TUBA4A: variants seen among roughly 807,000 people sequenced by gnomAD.
TUBA4A encodes tubulin alpha 4a.
Under a neutral mutation model 34.3 loss-of-function variants are expected in TUBA4A, and 23 were observed. The ratio of observed to expected loss-of-function variants is 0.67; its 90% confidence interval spans 0.48 to 0.95. The LOEUF (loss-of-function observed/expected upper bound fraction) is 0.95. Among genes scored for constraint, TUBA4A ranks in the 40% least tolerant of loss-of-function variants. The probability of loss-of-function intolerance (pLI) is 0.00; values close to 1 mark genes in which losing one functional copy is unlikely to be tolerated. For missense variants in TUBA4A, 279 were observed against 599.0 expected (o/e 0.47, Z 5.58); for synonymous variants, 216 against 230.5 (o/e 0.94, Z 0.57).
Position 219,251,450 on chromosome 2 carries a change from C to T in TUBA4A, c.375+115G>A. ...AAATACTGAGGATGCCATAGCAGCACCACACTCGAGACCATGTATAGTTAG... is the reference window on the plus strand; with the variant it reads ...AAATACTGAGGATGCCATAGCAGCATCACACTCGAGACCATGTATAGTTAG... On this transcript the variant is annotated intron_variant, in intron 3 of 3. Coordinates refer to ENST00000248437, the MANE Select transcript of TUBA4A (RefSeq NM_006000.3). The surrounding 1 kb of genome is among the most constrained non-coding windows in gnomAD (Gnocchi z 6.1). 3.3e-6 allele frequency: 5 copies of T among 1,536,456 alleles called. No homozygotes were observed. Among genetic ancestry groups the T allele is most frequent in the Non-Finnish European group, 4.4e-6 (5 of 1,136,092 alleles).
chr2:219,250,060 A>C lies in TUBA4A; in HGVS notation c.*292T>G, dbSNP rs1411228949. Reference sequence around the variant, plus strand: ...AGGAGCTGAAGACTCATCCTTCAACAGTTTGTGCCTGGATTTTGGTCCTCA... The same window carrying C: ...AGGAGCTGAAGACTCATCCTTCAACCGTTTGTGCCTGGATTTTGGTCCTCA... On this transcript the variant is annotated 3_prime_UTR_variant, in exon 4 of 4. Coordinates refer to ENST00000248437, the MANE Select transcript of TUBA4A (RefSeq NM_006000.3). The surrounding 1 kb of genome is among the most constrained non-coding windows in gnomAD (Gnocchi z 8.4). 3 of 379,730 alleles carry C rather than the reference A, an allele frequency of 7.9e-6. No homozygotes were observed. The highest frequency in any genetic ancestry group is 1.4e-5 in the Non-Finnish European group (3 of 208,236). The allele number at this position is 379,730 out of a possible 1,614,324, so 23.5% of individuals were successfully genotyped here.
chr2:219,251,891 C>G lies in TUBA4A; in HGVS notation c.226+117G>C. The G allele has an allele frequency of 7.3e-7, 1 of 1,366,480 alleles. No individual in the cohort carries two copies. The highest frequency in any genetic ancestry group is 1.0e-6 in the Non-Finnish European group (1 of 992,216). 84.6% of individuals were successfully genotyped at this position (1,366,480 alleles called of 1,614,324 possible). On this transcript the variant is annotated intron_variant, in intron 2 of 3. Transcript: ENST00000248437. The surrounding 1 kb of genome is among the most constrained non-coding windows in gnomAD (Gnocchi z 6.1). ...CAGATCAGCTTGCCTTCTGCAGCTT[C>G]AAGTACGGCTAGGAATTTTCAGGGC...
In TUBA4A at chr2:219,250,288, A is replaced by G; in HGVS notation, c.*64T>C. 1 of 1,544,436 alleles carries G rather than the reference A, an allele frequency of 6.5e-7. No individual in the cohort carries two copies. Among genetic ancestry groups the G allele is most frequent in the Admixed American group, 2.0e-5 (1 of 50,092 alleles). ...CTCAGAGGGAACAAGAAACCGTGCAAGGAAACTGTTTATTTCGAAAGGATT... is the reference window on the plus strand; with the variant it reads ...CTCAGAGGGAACAAGAAACCGTGCAGGGAAACTGTTTATTTCGAAAGGATT... On this transcript the variant is annotated 3_prime_UTR_variant, in exon 4 of 4. Coordinates refer to ENST00000248437, the MANE Select transcript of TUBA4A (RefSeq NM_006000.3). This position sits in a 1 kb window ranked among gnomAD's most constrained non-coding sequence, Gnocchi z 8.4.
rs773161555 is a variant in TUBA4A at position 219,250,485 on chromosome 2, A to C, written c.1214T>G (p.Val405Gly). 7.4e-6 allele frequency: 12 copies of C among 1,614,160 alleles called. No homozygotes were observed. Among genetic ancestry groups the C allele is most frequent in the Non-Finnish European group, 8.5e-6 (10 of 1,180,012 alleles). Residue 405 changes from valine to glycine, a missense_variant, in exon 4 of 4, where the codon GTG becomes GGG. Coordinates refer to ENST00000248437, the MANE Select transcript of TUBA4A (RefSeq NM_006000.3). This position sits in a 1 kb window ranked among gnomAD's most constrained non-coding sequence, Gnocchi z 8.4. ...CATGCCCTCACCCACATACCAGTGC[A>C]CAAACGCCCTCTTGGCATACATCAG... ...FDLMYAKRAF[V>G]HWYVGEGMEE...
chr2:219,250,868 A>G lies in TUBA4A; in HGVS notation c.831T>C (p.Ser277=). The G allele has an allele frequency of 6.2e-7, 1 of 1,614,150 alleles. No homozygotes were observed. Among genetic ancestry groups the G allele is most frequent in the South Asian group, 1.1e-5 (1 of 91,082 alleles). Residue 277 remains serine, a synonymous_variant, in exon 4 of 4, where the codon TCT becomes TCC. Transcript: ENST00000248437. The surrounding 1 kb of genome is among the most constrained non-coding windows in gnomAD (Gnocchi z 8.4). The part of the protein sequence containing the change: ...FPLATYAPVI[S]AEKAYHEQLS... ...GCTGCTCGTGGTATGCCTTTTCTGCAGAGATGACTGGTGCATAGGTGGCCA... is the reference window on the plus strand; with the variant it reads ...GCTGCTCGTGGTATGCCTTTTCTGCGGAGATGACTGGTGCATAGGTGGCCA...
chr2:219,253,355 G>GGA, intron 1 of TUBA4A: 42 of 665,446 alleles, frequency 6.3e-5, no homozygotes, highest in Non-Finnish European at 8.1e-5. Context: ...GCTGAGTCAC[G>GGA]GGGGGGGGGT....
chr2:219,250,115 C>A lies in TUBA4A; in HGVS notation c.*237G>T. 1 of 607,700 alleles carries A rather than the reference C, an allele frequency of 1.6e-6. No individual in the cohort carries two copies. The highest frequency in any genetic ancestry group is 2.9e-5 in the East Asian group (1 of 35,030). 37.6% of individuals were successfully genotyped at this position (607,700 alleles called of 1,614,324 possible). A position where few individuals can be genotyped will look rare whatever the true frequency, so the allele number is the denominator to read the frequency against. ...CTCCCTATACTGAGTAACCCTAGGA[C>A]TTCAATTTAAAGTCCCTGGGGTTAT... On this transcript the variant is annotated 3_prime_UTR_variant, in exon 4 of 4. Coordinates refer to ENST00000248437, the MANE Select transcript of TUBA4A (RefSeq NM_006000.3). This position sits in a 1 kb window ranked among gnomAD's most constrained non-coding sequence, Gnocchi z 8.4.
Position 219,252,109 on chromosome 2 carries a change from A to G in TUBA4A, c.125T>C (p.Ile42Thr), listed in dbSNP as rs201865832. 6.3e-5 allele frequency: 101 copies of G among 1,614,100 alleles called. No homozygotes were observed. The East Asian group carries it at 1.6e-3, about 26-fold the overall frequency. The part of the protein sequence containing the change: ...PDGQMPSDKT[I>T]GGGDDSFTTF... ...GGTGAAGGAGTCGTCCCCTCCACCA[A>G]TGGTCTTGTCACTGGGCATCTGCCC... Residue 42 changes from isoleucine to threonine, a missense_variant, in exon 2 of 4, where the codon ATT (isoleucine) becomes ACT (threonine). Ile to Thr is a moderately conservative substitution (Grantham distance 89, BLOSUM62 -1). Around this residue, in one of 3 missense-constraint regions of TUBA4A, gnomAD observed 98 missense variants for 171.1 expected, o/e 0.57. Coordinates refer to ENST00000248437, the MANE Select transcript of TUBA4A (RefSeq NM_006000.3). The surrounding 1 kb of genome is among the most constrained non-coding windows in gnomAD (Gnocchi z 4.1).
chr2:219,252,863 T>G lies in TUBA4A; in HGVS notation c.4-633A>C. 2 of 472,166 alleles carry G rather than the reference T, an allele frequency of 4.2e-6. No individual in the cohort carries two copies. Among genetic ancestry groups the G allele is most frequent in the Non-Finnish European group, 8.8e-6 (2 of 228,080 alleles). 29.2% of individuals were successfully genotyped at this position (472,166 alleles called of 1,614,324 possible). ...GACAGCAGGGGCCAGCAATAAGGTTTGAGGGTACTGGGGCGCTCACTGCCT... is the reference window on the plus strand; with the variant it reads ...GACAGCAGGGGCCAGCAATAAGGTTGGAGGGTACTGGGGCGCTCACTGCCT... On this transcript the variant is annotated intron_variant, in intron 1 of 3. Coordinates refer to ENST00000248437, the MANE Select transcript of TUBA4A (RefSeq NM_006000.3). The surrounding 1 kb of genome is among the most constrained non-coding windows in gnomAD (Gnocchi z 4.1).
Position 219,252,840 on chromosome 2 carries a change from C to A in TUBA4A, c.4-610G>T. On this transcript the variant is annotated intron_variant, in intron 1 of 3. Transcript: ENST00000248437. This position sits in a 1 kb window ranked among gnomAD's most constrained non-coding sequence, Gnocchi z 4.1. ...CGGCGGTAATGCTTGTAAGCTCAGA[C>A]AGCAGGGGCCAGCAATAAGGTTTGA... is the stretch of plus-strand genomic sequence containing the variant. The A allele has an allele frequency of 2.1e-6, 1 of 472,096 alleles. No homozygotes were observed. Among genetic ancestry groups the A allele is most frequent in the South Asian group, 1.5e-5 (1 of 64,558 alleles). The allele number at this position is 472,096 out of a possible 1,614,324, so 29.2% of individuals were successfully genotyped here. A position where few individuals can be genotyped will look rare whatever the true frequency, so the allele number is the denominator to read the frequency against.
In TUBA4A at chr2:219,251,087, C is replaced by A. The variant is rs771428804; in HGVS notation, c.612G>T (p.Val204=). ...AGATGTCATAGATTGCTTCGTTGTC[C>A]ACCATGAAGGCACAGTCTGAGTGCT... ...TLEHSDCAFM[V]DNEAIYDICR... Residue 204 remains valine, a synonymous_variant, in exon 4 of 4, where the codon GTG becomes GTT. Transcript: ENST00000248437. This position sits in a 1 kb window ranked among gnomAD's most constrained non-coding sequence, Gnocchi z 6.1. 35 of 1,614,048 alleles carry A rather than the reference C, an allele frequency of 2.2e-5. No individual in the cohort carries two copies. Among genetic ancestry groups the A allele is most frequent in the Non-Finnish European group, 2.4e-5 (28 of 1,180,044 alleles).
upstream of TUBA4A, chr2:219,254,105 G>A: frequency 2.4e-6 from 1 of 414,192 alleles, no homozygotes. Flanking sequence ...CTGTCCCGCT[G>A]GGATTAAGAG....
chr2:219,251,840 C>A lies in TUBA4A; in HGVS notation c.227-127G>T. The A allele has an allele frequency of 7.2e-7, 1 of 1,398,592 alleles. No individual in the cohort carries two copies. The highest frequency in any genetic ancestry group is 9.7e-7 in the Non-Finnish European group (1 of 1,031,306). 86.6% of individuals were successfully genotyped at this position (1,398,592 alleles called of 1,614,324 possible). ...CTGAGATACCAGAGTGTGAGAGAAACCCAGACCAGCTGCCCAGGCCAGTCT... is the reference window on the plus strand; with the variant it reads ...CTGAGATACCAGAGTGTGAGAGAAAACCAGACCAGCTGCCCAGGCCAGTCT... On this transcript the variant is annotated intron_variant, in intron 2 of 3. Coordinates refer to ENST00000248437, the MANE Select transcript of TUBA4A (RefSeq NM_006000.3). This position sits in a 1 kb window ranked among gnomAD's most constrained non-coding sequence, Gnocchi z 6.1.
At position 219,251,520 on chromosome 2, in the gene TUBA4A, T is replaced by G. The variant is rs1338665898; in HGVS notation, c.375+45A>C. ...TCTGAAAAAAAATATTCCTGACCATTAGCACAGTCTCAAAAGTTCCCTCCC... is the reference window on the plus strand; with the variant it reads ...TCTGAAAAAAAATATTCCTGACCATGAGCACAGTCTCAAAAGTTCCCTCCC... On this transcript the variant is annotated intron_variant, in intron 3 of 3. Transcript: ENST00000248437. This position sits in a 1 kb window ranked among gnomAD's most constrained non-coding sequence, Gnocchi z 6.1. The G allele has an allele frequency of 1.3e-6, 2 of 1,599,672 alleles. No homozygotes were observed. Among genetic ancestry groups the G allele is most frequent in the Admixed American group, 3.4e-5 (2 of 58,938 alleles).
rs373071036 is a variant in TUBA4A, at chr2:219,250,553, G to A, written c.1146C>T (p.Thr382=). 68 of 1,614,086 alleles carry A rather than the reference G, an allele frequency of 4.2e-5. No homozygotes were observed. The highest frequency in any genetic ancestry group is 5.3e-5 in the Non-Finnish European group (62 of 1,180,044). ...QRAVCMLSNT[T]AIAEAWARLD... ...GGCGGGCCCAGGCCTCGGCGATGGC[G>A]GTCGTGTTGCTCAGCATGCACACGG... The change falls in exon 4 of 4, where the codon ACC becomes ACT. Residue 382 remains threonine (T), a synonymous_variant. Coordinates refer to ENST00000248437, the MANE Select transcript of TUBA4A (RefSeq NM_006000.3). This position sits in a 1 kb window ranked among gnomAD's most constrained non-coding sequence, Gnocchi z 8.4.
chr2:219,250,194 G>T lies in TUBA4A; in HGVS notation c.*158C>A. On this transcript the variant is annotated 3_prime_UTR_variant, in exon 4 of 4. Coordinates refer to ENST00000248437, the MANE Select transcript of TUBA4A (RefSeq NM_006000.3). This position sits in a 1 kb window ranked among gnomAD's most constrained non-coding sequence, Gnocchi z 8.4. ...GCAGGTCTCACCTTCAGCGATGGAAGGGATAAGGGTCATGAACAGCAAACA... is the reference window on the plus strand; with the variant it reads ...GCAGGTCTCACCTTCAGCGATGGAATGGATAAGGGTCATGAACAGCAAACA... 1 of 1,088,630 alleles carries T rather than the reference G, an allele frequency of 9.2e-7. No homozygotes were observed. Among genetic ancestry groups the T allele is most frequent in the Non-Finnish European group, 1.3e-6 (1 of 749,070 alleles). The allele number at this position is 1,088,630 out of a possible 1,614,324, so 67.4% of individuals were successfully genotyped here.
In TUBA4A at chr2:219,250,799, G is replaced by A. The variant is rs775330235; in HGVS notation, c.900C>T (p.Asn300=). The change falls in exon 4 of 4, where the codon AAC becomes AAT. Residue 300 remains asparagine (N), a synonymous_variant. Transcript: ENST00000248437. This position sits in a 1 kb window ranked among gnomAD's most constrained non-coding sequence, Gnocchi z 8.4. ...GCCGGGGATCACACTTTACCATCTG[G>A]TTGGCAGGCTCAAAGCAGGCATTGG... ...EITNACFEPA[N]QMVKCDPRHG... 1 of 1,614,224 alleles carries A rather than the reference G, an allele frequency of 6.2e-7. No homozygotes were observed. Among genetic ancestry groups the A allele is most frequent in the Non-Finnish European group, 8.5e-7 (1 of 1,180,044 alleles).
intron 1 of TUBA4A, 45 bp downstream of exon 1, chr2:219,253,811 G>A (rs1480001030): frequency 2.0e-6 from 3 of 1,530,668 alleles, no homozygotes; most frequent in Non-Finnish European, 1.8e-6. Context: ...CCAAAGGAGA[G>A]GGGCAATTAG....
chr2:219,250,378 C>T lies in TUBA4A; in HGVS notation c.1321G>A (p.Glu441Lys). The change falls in exon 4 of 4, where the codon GAG becomes AAG. Residue 441 changes from glutamate (E) to lysine (K), a missense_variant. Physicochemically the swap from Glu to Lys is moderately conservative, Grantham distance 56. Around this residue, in one of 3 missense-constraint regions of TUBA4A, gnomAD observed 73 missense variants for 128.0 expected, o/e 0.57. Transcript: ENST00000248437. This position sits in a 1 kb window ranked among gnomAD's most constrained non-coding sequence, Gnocchi z 8.4. ...DYEEVGIDSYEDEDEGEE is the reference protein window; with the variant it reads ...DYEEVGIDSYKDEDEGEE ...TATTCTTCTCCCTCATCCTCGTCCT[C>T]ATAGGAGTCGATGCCCACCTCCTCA... The T allele has an allele frequency of 6.2e-7, 1 of 1,613,800 alleles. No homozygotes were observed. The highest frequency in any genetic ancestry group is 8.5e-7 in the Non-Finnish European group (1 of 1,179,752).
Sources: gnomAD v4.1 joint callset for allele counts on GRCh38, gnomAD v4.1.1 for gene constraint, gnomAD v4.1.1 regional missense constraint, Gnocchi (gnomAD v3.1) non-coding constraint, MANE v1.5 for transcripts, NCBI Gene and HGNC (gene_info 2026-07-23, HGNC 2026-07-21) for gene names.